Variants in SIPA1L1 observed in about 807,000 individuals in gnomAD.
SIPA1L1 encodes signal-induced proliferation-associated 1-like protein 1.
Under a neutral mutation model 162.7 loss-of-function variants are expected in SIPA1L1, and 26 were observed. That is an observed-to-expected ratio of 0.16 (90% CI 0.12 to 0.22). The LOEUF is 0.22. SIPA1L1 is among the 10% of genes least tolerant of loss of function. The pLI, the probability that SIPA1L1 is intolerant of heterozygous loss-of-function variation, is 1.00. For synonymous variants in SIPA1L1, 829 were observed against 837.4 expected (o/e 0.99, Z 0.17); for missense variants, 1,874 against 2,241.0 (o/e 0.84, Z 3.31).
chr14:71,727,623 G>A (rs765393532), intron 19 of SIPA1L1, among the ~76,000 whole-genome samples: 3 of 152,222 alleles, frequency 2.0e-5, no homozygotes, highest in South Asian at 4.1e-4. Flanking sequence ...CCCCCTTCTC[G>A]AATGTCCTCT....
intron 2 of SIPA1L1, among the ~76,000 whole-genome samples, chr14:71,502,255 A>ATATATATAT (rs1555440997): frequency 1.1e-3 from 108 of 97,524 alleles, no homozygotes; most frequent in African/African-American, 1.6e-3. Context: ...AAAAAAAAAA[A>ATATATATAT]ATATATATAT....
At chr14:71,648,384 G>A (rs1290658026) in intron 7 of SIPA1L1, among the ~76,000 whole-genome samples, 1 of 152,184 alleles carries the variant, frequency 6.6e-6, no homozygotes, top group Non-Finnish European at 1.5e-5. Flanking sequence ...AGGGTGCAGG[G>A]GAGGGAGACA....
intron 7 of SIPA1L1, among the ~76,000 whole-genome samples, chr14:71,647,637 T>G (rs922767837): frequency 4.6e-5 from 7 of 152,116 alleles, no homozygotes; most frequent in Non-Finnish European, 1.0e-4. Flanking sequence ...CTTTTTGTTC[T>G]CCCTGGAGGG....
Position 71,588,135 on chromosome 14 carries a change from A to G in SIPA1L1, c.263A>G (p.Glu88Gly). 6.2e-7 allele frequency: 1 copy of G among 1,614,156 alleles called. No homozygotes were observed. The highest frequency in any genetic ancestry group is 8.5e-7 in the Non-Finnish European group (1 of 1,180,002). The part of the protein sequence containing the change: ...ARIADWPPRK[E>G]NIKESSRSSQ... ...ATTGCAGATTGGCCCCCAAGAAAGG[A>G]AAACATAAAAGAATCTAGCCGTTCA... The change falls in exon 5 of 24, where the codon GAA becomes GGA. Residue 88 changes from glutamate to glycine, a missense_variant. Glu to Gly is a moderately conservative substitution (Grantham distance 98, BLOSUM62 -2). Transcript: ENST00000381232. The surrounding 1 kb of genome is among the most constrained non-coding windows in gnomAD (Gnocchi z 4.3).
intron 17 of SIPA1L1, among the ~76,000 whole-genome samples, chr14:71,715,149 A>G (rs956315865): frequency 1.3e-5 from 2 of 152,344 alleles, no homozygotes; most frequent in South Asian, 2.1e-4. Context: ...AAAATTTGGT[A>G]TAGCTCTCTA....
chr14:71,717,958 T>C (rs1285443715), intron 17 of SIPA1L1, among the ~76,000 whole-genome samples: 2 of 152,320 alleles, frequency 1.3e-5, no homozygotes, highest in Admixed American at 1.3e-4. Context: ...CAGGTGGCCA[T>C]GTTCTGTGGC....
intron 3 of SIPA1L1, among the ~76,000 whole-genome samples, chr14:71,520,826 C>G (rs889053965): frequency 6.6e-6 from 1 of 152,166 alleles, no homozygotes; most frequent in Non-Finnish European, 1.5e-5. Flanking sequence ...GATCTCAGCT[C>G]ACTGCAGCCT....
chr14:71,506,665 A>G (rs2050695234), intron 2 of SIPA1L1, among the ~76,000 whole-genome samples: 2 of 151,494 alleles, frequency 1.3e-5, no homozygotes, highest in South Asian at 4.2e-4. Flanking sequence ...TTATTTTGCT[A>G]ATTTAGTAGT....
chr14:71,409,384 G>A (rs564277194), intron 2 of SIPA1L1, among the ~76,000 whole-genome samples: 122 of 152,180 alleles, frequency 8.0e-4, no homozygotes, highest in African/African-American at 2.8e-3. Flanking sequence ...CCTTTGGTTA[G>A]AGAGACTGGC....
In SIPA1L1 at chr14:71,485,816, AC is replaced by A. The variant is rs374978532; in HGVS notation, c.-464-26922del. 1.4e-3 allele frequency among the ~76,000 whole-genome samples: 216 copies of A among 152,182 alleles called. 2 individuals are homozygous for A. The highest frequency in any genetic ancestry group is 4.8e-3 in the East Asian group (25 of 5,182). ...TGGGGACCGCTGGTTTAGGGCATAG[AC>A]CCCCAAATTGATTCTTATCTAACAA... On this transcript the variant is annotated intron_variant, in intron 2 of 23. Transcript: ENST00000381232.
intron 2 of SIPA1L1, among the ~76,000 whole-genome samples, chr14:71,374,710 T>C (rs1310016718): frequency 6.6e-6 from 1 of 151,142 alleles, no homozygotes; most frequent in Non-Finnish European, 1.5e-5. Flanking sequence ...TTTTTTTTTT[T>C]GCTGTTTCTA....
At chr14:71,539,109 C>T (rs1381304086) in intron 4 of SIPA1L1, among the ~76,000 whole-genome samples, 1 of 152,142 alleles carries the variant, frequency 6.6e-6, no homozygotes, top group Non-Finnish European at 1.5e-5. Flanking sequence ...TTTCCTGTGA[C>T]CTTTATAAAG....
At chr14:71,638,032 G>A (rs1232601679) in intron 7 of SIPA1L1, among the ~76,000 whole-genome samples, 1 of 152,068 alleles carries the variant, frequency 6.6e-6, no homozygotes, top group East Asian at 1.9e-4. Context: ...TATTTGAATA[G>A]CCCTATGATT....
At chr14:71,408,343 A>G (rs990059278) in intron 2 of SIPA1L1, among the ~76,000 whole-genome samples, 1 of 151,988 alleles carries the variant, frequency 6.6e-6, no homozygotes, top group Non-Finnish European at 1.5e-5. Context: ...CACTAATTTC[A>G]TGTTTCATGC....
intron 13 of SIPA1L1, among the ~76,000 whole-genome samples, chr14:71,689,716 G>T (rs916596986): frequency 2.0e-5 from 3 of 152,188 alleles, no homozygotes; most frequent in African/African-American, 7.2e-5. Context: ...CTGAACACTT[G>T]GTACTTCTGA....
chr14:71,557,457 T>A (rs1378105674), intron 4 of SIPA1L1, among the ~76,000 whole-genome samples: 1 of 152,246 alleles, frequency 6.6e-6, no homozygotes, highest in Non-Finnish European at 1.5e-5. Flanking sequence ...ACTTTGCTGC[T>A]GATCATGGTT....
intron 2 of SIPA1L1, among the ~76,000 whole-genome samples, chr14:71,469,266 T>C (rs2047261535): frequency 6.6e-6 from 1 of 152,184 alleles, no homozygotes; most frequent in Admixed American, 6.5e-5. Flanking sequence ...AGCATCACTC[T>C]AGTGCTTAGT....
chr14:71,455,184 G>C (rs1217891504), intron 2 of SIPA1L1, among the ~76,000 whole-genome samples: 1 of 152,222 alleles, frequency 6.6e-6, no homozygotes, highest in African/African-American at 2.4e-5. Flanking sequence ...ACTGTAACAA[G>C]TTGGTTTACA....
chr14:71,510,566 A>C (rs1377386678), intron 2 of SIPA1L1, among the ~76,000 whole-genome samples: 1 of 152,112 alleles, frequency 6.6e-6, no homozygotes, highest in African/African-American at 2.4e-5. Context: ...TGCTCATAAG[A>C]TTATCTGGCA....
Sources: allele counts gnomAD v4.1 joint callset (sites outside exome capture counted in the v4.1 genomes callset), GRCh38; gene constraint gnomAD v4.1.1; non-coding constraint Gnocchi (gnomAD v3.1); transcripts MANE v1.5; gene names NCBI Gene and HGNC (gene_info 2026-07-23, HGNC 2026-07-21).